The following EEF1AKMT1 variants were observed in gnomAD, a reference collection of about 807,000 sequenced individuals.
The protein encoded by EEF1AKMT1 is EEF1A lysine methyltransferase 1.
Under a neutral mutation model 21.0 loss-of-function variants are expected in EEF1AKMT1, and 18 were observed. That is an observed-to-expected ratio of 0.86 (90% CI 0.59 to 1.27). The LOEUF is 1.27. EEF1AKMT1 is among the 50% of genes most tolerant of loss of function. EEF1AKMT1 has a pLI of 0.00. For synonymous variants in EEF1AKMT1, 109 were observed against 94.8 expected (o/e 1.15, Z -0.87); for missense variants, 246 against 258.6 (o/e 0.95, Z 0.33).
At chr13:20,762,175 CTTTTTT>C (rs57340074) in intron 1 of EEF1AKMT1, among the ~76,000 whole-genome samples, 2 of 131,336 alleles carry the variant, frequency 1.5e-5, no homozygotes, top group Admixed American at 7.6e-5. Context: ...TTTCATCAGT[CTTTTTT>C]TTTTTTTTTT....
chr13:20,729,252 C>T, intron 4 of EEF1AKMT1, 36 bp from the exon 5 acceptor site: 1 of 1,612,988 alleles, frequency 6.2e-7, no homozygotes, highest in Non-Finnish European at 8.5e-7. Flanking sequence ...CAGAGAGTGA[C>T]AACCCAGCCG....
intron 1 of EEF1AKMT1, among the ~76,000 whole-genome samples, chr13:20,760,104 C>CAAAAAA (rs56891551): frequency 1.7e-3 from 97 of 55,848 alleles, no homozygotes; most frequent in Middle Eastern, 0.015. Flanking sequence ...GACTCTGTCT[C>CAAAAAA]AAAAAAAAAA....
chr13:20,756,466 C>A (rs780237894), intron 2 of EEF1AKMT1, among the ~76,000 whole-genome samples: 1 of 152,266 alleles, frequency 6.6e-6, no homozygotes, highest in Admixed American at 6.5e-5. Flanking sequence ...CCCCAATTTC[C>A]GGCAATGATA....
Position 20,729,148 on chromosome 13 carries a change from T to C in EEF1AKMT1, c.577A>G (p.Thr193Ala), listed in dbSNP as rs770046571. ...VKMCTFVPRHTRNLANEFRCY... is the reference protein window; with the variant it reads ...VKMCTFVPRHARNLANEFRCY... ...CGAAACTCATTTGCCAAGTTCCGGGTGTGTCTTGGAACAAACGTGCACATC... is the reference window on the plus strand; with the variant it reads ...CGAAACTCATTTGCCAAGTTCCGGGCGTGTCTTGGAACAAACGTGCACATC... Residue 193 changes from threonine (T) to alanine (A), a missense_variant, in exon 5 of 5, where the codon ACC (threonine) becomes GCC (alanine). Coordinates refer to ENST00000382758, the MANE Select transcript of EEF1AKMT1 (RefSeq NM_001318939.2). The C allele has an allele frequency of 1.2e-6, 2 of 1,614,152 alleles. No individual in the cohort carries two copies. The highest frequency in any genetic ancestry group is 8.5e-7 in the Non-Finnish European group (1 of 1,180,032).
chr13:20,736,918 G>A (rs1482000147), intron 3 of EEF1AKMT1, among the ~76,000 whole-genome samples: 5 of 151,020 alleles, frequency 3.3e-5, no homozygotes, highest in Non-Finnish European at 7.4e-5. Flanking sequence ...GTATTTCATA[G>A]AGAAAGGGTT....
At chr13:20,770,319 GT>G (rs2141442821) in intron 1 of EEF1AKMT1, among the ~76,000 whole-genome samples, 1 of 152,130 alleles carries the variant, frequency 6.6e-6, no homozygotes, top group Non-Finnish European at 1.5e-5. Context: ...GGAGAATAGG[GT>G]TTAATGGGTG....
At chr13:20,740,281 G>A (rs774667215) in intron 2 of EEF1AKMT1, among the ~76,000 whole-genome samples, 2 of 152,330 alleles carry the variant, frequency 1.3e-5, no homozygotes, top group East Asian at 1.9e-4. Context: ...CGAGTGCCAC[G>A]CACAGCCCCA....
intron 2 of EEF1AKMT1, among the ~76,000 whole-genome samples, chr13:20,741,815 A>G (rs1398023316): frequency 6.6e-6 from 1 of 152,196 alleles, no homozygotes; most frequent in Non-Finnish European, 1.5e-5. Context: ...GTGATCATTC[A>G]TATGACCAGT....
At chr13:20,748,851 T>C (rs928078034) in intron 2 of EEF1AKMT1, among the ~76,000 whole-genome samples, 1 of 147,714 alleles carries the variant, frequency 6.8e-6, no homozygotes, top group Non-Finnish European at 1.5e-5. Flanking sequence ...CACCTCAGGC[T>C]CCCAAGTAGC....
At chr13:20,732,224 T>C in intron 3 of EEF1AKMT1, 103 bp from the exon 4 acceptor site, 1 of 1,301,724 alleles carries the variant, frequency 7.7e-7, no homozygotes, top group South Asian at 1.5e-5. Flanking sequence ...GCTCAGAGTT[T>C]CTTACAGGAA....
chr13:20,773,630 A>C (rs974622081), intron 1 of EEF1AKMT1, among the ~76,000 whole-genome samples: 1 of 152,234 alleles, frequency 6.6e-6, no homozygotes, highest in Non-Finnish European at 1.5e-5. Flanking sequence ...CCCCGTCAGC[A>C]CCAAGGCTGC....
chr13:20,743,347 G>A (rs1002587985), intron 2 of EEF1AKMT1, among the ~76,000 whole-genome samples: 1 of 152,022 alleles, frequency 6.6e-6, no homozygotes, highest in African/African-American at 2.4e-5. Flanking sequence ...GATTATAAGC[G>A]TGAGCCAACG....
At chr13:20,757,764 C>G in intron 1 of EEF1AKMT1, 147 bp from the exon 2 acceptor site, 1 of 668,200 alleles carries the variant, frequency 1.5e-6, no homozygotes, top group African/African-American at 1.8e-5. Context: ...CTAAGCCCCC[C>G]AGCCAACTGA....
intron 1 of EEF1AKMT1, among the ~76,000 whole-genome samples, chr13:20,772,367 T>C (rs2059067078): frequency 1.3e-5 from 2 of 152,320 alleles, no homozygotes; most frequent in Middle Eastern, 6.8e-3. Context: ...GGAGCCCTTT[T>C]GTCGCTAAGG....
intron 2 of EEF1AKMT1, among the ~76,000 whole-genome samples, chr13:20,756,970 T>C (rs1173009675): frequency 6.6e-6 from 1 of 152,134 alleles, no homozygotes. Flanking sequence ...TTTTCATCAC[T>C]CATTAACATT....
At chr13:20,748,737 T>G (rs1309393431) in intron 2 of EEF1AKMT1, among the ~76,000 whole-genome samples, 1 of 135,570 alleles carries the variant, frequency 7.4e-6, no homozygotes, top group African/African-American at 2.8e-5. Flanking sequence ...TTTTTTTTTT[T>G]TTTTTTTTTT....
At chr13:20,763,706 G>A (rs2059012884) in intron 1 of EEF1AKMT1, among the ~76,000 whole-genome samples, 2 of 152,102 alleles carry the variant, frequency 1.3e-5, no homozygotes, top group South Asian at 4.1e-4. Context: ...GCCCGCCTAG[G>A]TCTCCCAAAC....
chr13:20,749,580 AG>A (rs2058929687), intron 2 of EEF1AKMT1, among the ~76,000 whole-genome samples: 1 of 152,210 alleles, frequency 6.6e-6, no homozygotes, highest in African/African-American at 2.4e-5. Flanking sequence ...AGCTGGGTAT[AG>A]AATTCTAGGC....
At chr13:20,736,890 C>A (rs973295029) in intron 3 of EEF1AKMT1, among the ~76,000 whole-genome samples, 14 of 151,416 alleles carry the variant, frequency 9.2e-5, no homozygotes, top group African/African-American at 3.4e-4. Context: ...GGATGCACCA[C>A]CACGCCCAGC....
Sources: allele counts gnomAD v4.1 joint callset (sites outside exome capture counted in the v4.1 genomes callset), GRCh38; gene constraint gnomAD v4.1.1; transcripts MANE v1.5; gene names NCBI Gene and HGNC (gene_info 2026-07-23, HGNC 2026-07-21).